Variants in NF1 observed in about 807,000 individuals in gnomAD.
NF1 encodes the protein neurofibromin.
Under a neutral mutation model 325.7 loss-of-function variants are expected in NF1, and 122 were observed. That is an observed-to-expected ratio of 0.37 (90% CI 0.32 to 0.44). The LOEUF is 0.44. NF1 is among the 20% of genes least tolerant of loss of function. The pLI, the probability that NF1 is intolerant of heterozygous loss-of-function variation, is 1.00. For missense variants in NF1, 2,140 were observed against 3,415.4 expected, an observed-to-expected ratio of 0.63 and a Z score of 9.31; for synonymous variants, 1,091 against 1,186.0, an observed-to-expected ratio of 0.92 and a Z score of 1.65.
At chr17:31,210,220 A>G (rs567689361) in intron 12 of NF1, among the ~76,000 whole-genome samples, 23 of 152,322 alleles carry the variant, frequency 1.5e-4, no homozygotes, top group African/African-American at 5.3e-4. Context: ...CATCTGATAC[A>G]TATTGGGCAT....
intron 48 of NF1, among the ~76,000 whole-genome samples, chr17:31,344,137 A>G (rs2069906576): frequency 6.6e-6 from 1 of 152,082 alleles, no homozygotes; most frequent in African/African-American, 2.4e-5. Context: ...TTGATCACAG[A>G]TTTTCTTCAA....
chr17:31,348,231 A>G (rs1310710834), intron 48 of NF1, among the ~76,000 whole-genome samples: 3 of 116,374 alleles, frequency 2.6e-5, no homozygotes, highest in African/African-American at 1.0e-4. Flanking sequence ...AGAATACTCA[A>G]AAGAGGAAAG....
intron 36 of NF1, chr17:31,272,276 T>C (rs745875255): frequency 1.3e-5 from 2 of 152,198 alleles, no homozygotes; most frequent in Non-Finnish European, 2.9e-5. Context: ...AGCAAAAATA[T>C]TACATAGAAA....
chr17:31,117,700 A>AAAAAAAAAAAAAAAAAAAAAAAT (rs1914067094), intron 1 of NF1, among the ~76,000 whole-genome samples: 1 of 150,124 alleles, frequency 6.7e-6, no homozygotes, highest in Admixed American at 6.6e-5. Flanking sequence ...AAAAAAAAAA[A>AAAAAAAAAAAAAAAAAAAAAAAT]AAAGGAATAG....
intron 1 of NF1, among the ~76,000 whole-genome samples, chr17:31,108,311 A>C (rs1913074923): frequency 8.8e-6 from 1 of 113,558 alleles, no homozygotes; most frequent in African/African-American, 3.8e-5. Flanking sequence ...GTCTCACTCT[A>C]TTACCCAGGC....
In NF1 at chr17:31,230,939, G is replaced by T. The variant is rs764474296; in HGVS notation, c.3197+14G>T. On this transcript the variant is annotated intron_variant, in intron 24 of 57. Coordinates refer to ENST00000358273, the MANE Select transcript of NF1 (RefSeq NM_001042492.3). Reference sequence around the variant, plus strand: ...ATGTCTTACAAGGTAAAAAAAGAATGACCTTCAAGTATTAGTGGGTTTTAC... The same window carrying T: ...ATGTCTTACAAGGTAAAAAAAGAATTACCTTCAAGTATTAGTGGGTTTTAC... The T allele has an allele frequency of 3.8e-6, 6 of 1,596,098 alleles. No individual in the cohort carries two copies. In the East Asian group the frequency reaches 1.3e-4, roughly 36 times the overall value.
chr17:31,172,259 G>A (rs766958574), intron 5 of NF1, among the ~76,000 whole-genome samples: 3 of 152,066 alleles, frequency 2.0e-5, no homozygotes, highest in Non-Finnish European at 4.4e-5. Context: ...CCCAGGAAGA[G>A]GTTGAGGTTG....
chr17:31,283,496 C>T (rs1354388516), intron 36 of NF1, among the ~76,000 whole-genome samples: 1 of 151,858 alleles, frequency 6.6e-6, no homozygotes, highest in African/African-American at 2.4e-5. Context: ...CTCTGTCGCC[C>T]AGGCTGAAGT....
Position 31,362,262 on chromosome 17 carries a change from A to G in NF1, c.8377+1559A>G, listed in dbSNP as rs948772888. The G allele has an allele frequency of 8.1e-6, 8 of 982,554 alleles. No individual in the cohort carries two copies. The African/African-American group carries it at 8.7e-5, about 11-fold the overall frequency. The allele number at this position is 982,554 out of a possible 1,614,324, so 60.9% of individuals were successfully genotyped here. A position where few individuals can be genotyped will look rare whatever the true frequency, so the allele number is the denominator to read the frequency against. On this transcript the variant is annotated intron_variant, in intron 57 of 57. Coordinates refer to ENST00000358273, the MANE Select transcript of NF1 (RefSeq NM_001042492.3). ...CATTTCAGCTGTGAAGGCCAGGGCA[A>G]AACTTAAAATTTACTTTTTTTACAG...
At chr17:31,335,853 AT>A (rs71360768) in intron 40 of NF1, among the ~76,000 whole-genome samples, 2,857 of 112,760 alleles carry the variant, frequency 0.025, 94 homozygotes, top group African/African-American at 0.093. Flanking sequence ...TAATTTTTGT[AT>A]TTTTTTTTTT....
chr17:31,336,821 G>A lies in NF1; in HGVS notation c.6334G>A (p.Ala2112Thr), dbSNP rs749672954. The change falls in exon 42 of 58, where the codon GCC (alanine) becomes ACC (threonine). Residue 2112 changes from alanine (A) to threonine (T), a missense_variant. Ala to Thr is a moderately conservative substitution (Grantham distance 58, BLOSUM62 0). Around this residue, in one of 10 missense-constraint regions of NF1, gnomAD observed 180 missense variants for 435.1 expected, o/e 0.41. Coordinates refer to ENST00000358273, the MANE Select transcript of NF1 (RefSeq NM_001042492.3). This position sits in a 1 kb window ranked among gnomAD's most constrained non-coding sequence, Gnocchi z 5.5. Reference protein sequence around the residue: ...YLFHVVTFLVATGPLSLRAST... With the variant: ...YLFHVVTFLVTTGPLSLRAST... ...CTTCCACGTTGTTACTTTCTTAGTA[G>A]CCACAGGTCCGCTCTCCCTTAGAGC... is the stretch of plus-strand genomic sequence containing the variant. The A allele has an allele frequency of 1.9e-6, 3 of 1,613,834 alleles. No homozygotes were observed. The highest frequency in any genetic ancestry group is 1.1e-5 in the South Asian group (1 of 91,074).
At chr17:31,303,989 G>A in intron 36 of NF1, 2 of 277,044 alleles carry the variant, frequency 7.2e-6, no homozygotes. Flanking sequence ...TATGTAGATT[G>A]TTTCAGAGTT....
rs2151601779 is a variant in NF1, at chr17:31,374,189, A to C, written c.*34A>C. ...TGCTTTCTTTTTTAAAATCAACTTA[A>C]CATGGGCTCTTCACTAGTGACCCCT... On this transcript the variant is annotated 3_prime_UTR_variant, in exon 58 of 58. Transcript: ENST00000358273. 1.9e-6 allele frequency: 3 copies of C among 1,613,628 alleles called. No individual in the cohort carries two copies. Among genetic ancestry groups the C allele is most frequent in the Non-Finnish European group, 2.5e-6 (3 of 1,179,704 alleles).
intron 8 of NF1, among the ~76,000 whole-genome samples, chr17:31,199,939 C>T (rs540925458): frequency 6.6e-6 from 1 of 152,140 alleles, no homozygotes; most frequent in Non-Finnish European, 1.5e-5. Flanking sequence ...GGTTCAAGAC[C>T]AGCTTGGCCA....
chr17:31,157,374 C>T (rs2065682974), intron 2 of NF1, among the ~76,000 whole-genome samples: 1 of 151,804 alleles, frequency 6.6e-6, no homozygotes, highest in Admixed American at 6.6e-5. Flanking sequence ...TTCCCCCTTC[C>T]TTTTTTTTGA....
At chr17:31,313,745 T>C (rs2068949820) in intron 36 of NF1, among the ~76,000 whole-genome samples, 1 of 149,916 alleles carries the variant, frequency 6.7e-6, no homozygotes, top group Admixed American at 6.7e-5. Flanking sequence ...TGTGTGTGTG[T>C]GTGTGTGTGT....
Position 31,260,450 on chromosome 17 carries a change from G to T in NF1, c.4512G>T (p.Val1504=), listed in dbSNP as rs1597747038. The change falls in exon 34 of 58, where the codon GTG becomes GTT. Residue 1504 remains valine, a synonymous_variant. Transcript: ENST00000358273. ...HSLSFISDGN[V]LALHRLLWNN... ...TTTCCTTCATAAGTGACGGCAATGT[G>T]CTTGCTTTACATCGTCTACTCTGGA... 1.2e-6 allele frequency: 2 copies of T among 1,613,980 alleles called. No individual in the cohort carries two copies. The highest frequency in any genetic ancestry group is 1.7e-6 in the Non-Finnish European group (2 of 1,179,944).
At chr17:31,317,602 A>G (rs1410490220) in intron 36 of NF1, 3 of 152,214 alleles carry the variant, frequency 2.0e-5, no homozygotes, top group Admixed American at 6.5e-5. Context: ...GTTGTGCTCT[A>G]TTTCTTATTG....
chr17:31,315,119 A>G (rs917001591), intron 36 of NF1, among the ~76,000 whole-genome samples: 3 of 152,044 alleles, frequency 2.0e-5, no homozygotes, highest in African/African-American at 7.2e-5. Flanking sequence ...ATTTTGACCA[A>G]ATATTTTACT....
Sources: allele counts gnomAD v4.1 joint callset (sites outside exome capture counted in the v4.1 genomes callset), GRCh38; gene constraint gnomAD v4.1.1; regional missense constraint gnomAD v4.1.1; non-coding constraint Gnocchi (gnomAD v3.1); transcripts MANE v1.5; gene names NCBI Gene and HGNC (gene_info 2026-07-23, HGNC 2026-07-21).